Variants in TULP4 observed in about 807,000 individuals in gnomAD.
TULP4 encodes the protein TUB like protein 4, also known as tubby-related protein 4.
In TULP4, 16 loss-of-function variants were observed where a neutral mutation model predicts 129.0. The ratio of observed to expected loss-of-function variants is 0.12; its 90% CI spans 0.08 to 0.19. The LOEUF is 0.19. TULP4 is among the 10% of genes least tolerant of loss of function. The pLI, the probability that TULP4 is intolerant of heterozygous loss-of-function variation, is 1.00. For synonymous variants in TULP4, 998 were observed against 854.0 expected, an observed-to-expected ratio of 1.17 and a Z score of -2.94; for missense variants, 1,842 against 2,059.1, an observed-to-expected ratio of 0.89 and a Z score of 2.04.
chr6:158,497,186 A>G, intron 11 of TULP4, among the ~76,000 whole-genome samples: 1 of 152,320 alleles, frequency 6.6e-6, no homozygotes, highest in East Asian at 1.9e-4. Context: ...TGATCCATAG[A>G]GCTACTTTGT....
chr6:158,358,517 C>T (rs1327777803), intron 1 of TULP4, among the ~76,000 whole-genome samples: 6 of 152,294 alleles, frequency 3.9e-5, no homozygotes, highest in Admixed American at 2.6e-4. Context: ...TGAAGTATTT[C>T]TCAGTGTCAC....
At chr6:158,316,004 CA>C (rs1779483636) in intron 1 of TULP4, among the ~76,000 whole-genome samples, 1 of 152,232 alleles carries the variant, frequency 6.6e-6, no homozygotes, top group Non-Finnish European at 1.5e-5. Context: ...AGAAGTAACT[CA>C]TATTCTGACT....
At chr6:158,328,127 TGC>T (rs757800972) in intron 1 of TULP4, among the ~76,000 whole-genome samples, 31,405 of 89,422 alleles carry the variant, frequency 0.35, 4,803 homozygotes, top group Admixed American at 0.47. Context: ...TGTGTGTGTG[TGC>T]GTGCGTGCTG....
chr6:158,283,381 GT>G (rs1778790679), intron 1 of TULP4, among the ~76,000 whole-genome samples: 1 of 152,172 alleles, frequency 6.6e-6, no homozygotes, highest in South Asian at 2.1e-4. Flanking sequence ...GAAGCCCCTG[GT>G]GGTAGTTCAC....
At chr6:158,405,782 C>T (rs942598881) in intron 1 of TULP4, among the ~76,000 whole-genome samples, 6 of 152,258 alleles carry the variant, frequency 3.9e-5, no homozygotes, top group South Asian at 4.1e-4. Context: ...CCCTGGATCC[C>T]GGACATGTTC....
At chr6:158,448,914 C>G in intron 3 of TULP4, 82 bp from the exon 4 acceptor site, 1 of 1,442,212 alleles carries the variant, frequency 6.9e-7, no homozygotes, top group Non-Finnish European at 9.4e-7. Flanking sequence ...TATTGTCTTC[C>G]TAAAACAAAT....
chr6:158,430,879 T>TA (rs1345419215), intron 3 of TULP4, among the ~76,000 whole-genome samples: 2 of 152,208 alleles, frequency 1.3e-5, no homozygotes, highest in Admixed American at 6.5e-5. Context: ...TTATTATTGG[T>TA]AAAAAACCAA....
chr6:158,465,874 T>C (rs571517166), intron 6 of TULP4, among the ~76,000 whole-genome samples: 1 of 152,356 alleles, frequency 6.6e-6, no homozygotes, highest in African/African-American at 2.4e-5. Flanking sequence ...AGAGATTCTT[T>C]AATCTACAGT....
At chr6:158,357,481 G>A (rs565284519) in intron 1 of TULP4, among the ~76,000 whole-genome samples, 24 of 152,338 alleles carry the variant, frequency 1.6e-4, no homozygotes, top group Non-Finnish European at 2.4e-4. Flanking sequence ...TGTGATGCAC[G>A]TCTAAGATCC....
intron 1 of TULP4, among the ~76,000 whole-genome samples, chr6:158,336,349 T>C (rs1269719924): frequency 6.6e-6 from 1 of 152,254 alleles, no homozygotes. Context: ...CTGTGGTGTA[T>C]ATTACAAATG....
chr6:158,448,885 A>G (rs1454031779), intron 3 of TULP4, 111 bp from the exon 4 acceptor site: 3 of 1,136,992 alleles, frequency 2.6e-6, no homozygotes, highest in South Asian at 1.7e-5. Context: ...TTAACTAGCT[A>G]TTTTTAGTTC....
At chr6:158,472,860 C>T (rs922821661) in intron 6 of TULP4, among the ~76,000 whole-genome samples, 1 of 152,180 alleles carries the variant, frequency 6.6e-6, no homozygotes, top group Non-Finnish European at 1.5e-5. Context: ...TCCTTTCTGT[C>T]CTACATGTTG....
intron 6 of TULP4, among the ~76,000 whole-genome samples, chr6:158,471,854 T>C (rs986013361): frequency 6.6e-6 from 1 of 152,234 alleles, no homozygotes; most frequent in African/African-American, 2.4e-5. Context: ...ATCTTTCTGT[T>C]GATTGTTTGA....
At chr6:158,397,299 TACC>T (rs1777741232) in intron 1 of TULP4, among the ~76,000 whole-genome samples, 2 of 152,210 alleles carry the variant, frequency 1.3e-5, no homozygotes, top group African/African-American at 2.4e-5. Flanking sequence ...AGGCACAGGA[TACC>T]ATCACACTTC....
intron 1 of TULP4, among the ~76,000 whole-genome samples, chr6:158,246,019 T>TGGG (rs1778022172): frequency 7.7e-6 from 1 of 130,394 alleles, no homozygotes. Context: ...GCCTACCCCT[T>TGGG]AGGGGTGTGT....
chr6:158,332,169 C>CAAAAAA (rs1169601263), intron 1 of TULP4, among the ~76,000 whole-genome samples: 7 of 65,316 alleles, frequency 1.1e-4, no homozygotes, highest in African/African-American at 2.6e-4. Context: ...AAGACTCTGT[C>CAAAAAA]AAAAAAAAAA....
intron 1 of TULP4, among the ~76,000 whole-genome samples, chr6:158,285,718 CGCCCT>C (rs1321894324): frequency 6.6e-6 from 1 of 152,206 alleles, no homozygotes; most frequent in Non-Finnish European, 1.5e-5. Context: ...GTTCCCCTGT[CGCCCT>C]GCCCTGCCCT....
rs575605351 is a variant in TULP4 at position 158,333,843 on chromosome 6, ACACG to A, written c.252+19579_252+19582del. Among the ~76,000 whole-genome samples the A allele has an allele frequency of 2.2e-4, 34 of 152,150 alleles. No homozygotes were observed. The South Asian group carries it at 5.4e-3, about 24-fold the overall frequency. ...AAAATGTTAAAATTTATCAAAACTT[ACACG>A]CACAAACAGACCACACGTGGTGCTA... is the stretch of plus-strand genomic sequence containing the variant. On this transcript the variant is annotated intron_variant, in intron 1 of 13. Coordinates refer to ENST00000367097, the MANE Select transcript of TULP4 (RefSeq NM_020245.5).
intron 3 of TULP4, 71 bp downstream of exon 3, chr6:158,429,968 G>A (rs186691615): frequency 3.2e-4 from 465 of 1,436,758 alleles, no homozygotes; most frequent in African/African-American, 1.4e-3. Context: ...AAAGGGGCAG[G>A]AGAGGGGAGC....
Sources: allele counts gnomAD v4.1 joint callset (sites outside exome capture counted in the v4.1 genomes callset), GRCh38; gene constraint gnomAD v4.1.1; transcripts MANE v1.5; gene names NCBI Gene and HGNC (gene_info 2026-07-23, HGNC 2026-07-21).